ERI1: variants seen among roughly 807,000 people sequenced by gnomAD.
ERI1 encodes exoribonuclease 1, also known as 3'-5' exoribonuclease 1.
In ERI1, 39 loss-of-function variants were observed where a neutral mutation model predicts 39.7. The observed-to-expected ratio is 0.98, with a 90% CI of 0.76 to 1.28. The LOEUF is 1.28. ERI1 is among the 50% of genes most tolerant of loss of function. ERI1 has a pLI of 0.00. For missense variants in ERI1, 581 were observed against 416.9 expected, an observed-to-expected ratio of 1.39 and a Z score of -3.43; for synonymous variants, 204 against 149.6, an observed-to-expected ratio of 1.36 and a Z score of -2.65.
rs544584912 is a variant in ERI1, at chr8:9,018,584, A to C, written c.692+178A>C. ...GAAAGAGAGGAAGAAAACAGTGGTCACAGTCCAATACAGGACTAGAACACT... is the reference window on the plus strand; with the variant it reads ...GAAAGAGAGGAAGAAAACAGTGGTCCCAGTCCAATACAGGACTAGAACACT... On this transcript the variant is annotated intron_variant, in intron 5 of 6. Coordinates refer to ENST00000250263, the MANE Select transcript of ERI1 (RefSeq NM_153332.4). Among the ~76,000 whole-genome samples the C allele has an allele frequency of 6.6e-5, 10 of 152,342 alleles. No homozygotes were observed. The South Asian group carries it at 2.1e-3, about 32-fold the overall frequency.
chr8:9,092,487 T>C (rs1462637660), intron 3 of ERI1, among the ~76,000 whole-genome samples: 2 of 152,216 alleles, frequency 1.3e-5, no homozygotes, highest in Non-Finnish European at 2.9e-5. Context: ...TAGGTGAAGA[T>C]GTCAGGAAAT....
intron 2 of ERI1, chr8:9,009,055 A>T (rs1816382481): frequency 2.2e-6 from 1 of 456,086 alleles, no homozygotes; most frequent in African/African-American, 2.0e-5. Context: ...CCTACAGAAG[A>T]TTTTCCGAGC....
At chr8:9,099,437 A>C (rs1354268801) in intron 3 of ERI1, among the ~76,000 whole-genome samples, 1 of 150,746 alleles carries the variant, frequency 6.6e-6, no homozygotes, top group African/African-American at 2.5e-5. Flanking sequence ...TTCTACAAAA[A>C]ATAAAAAATT....
At chr8:9,007,375 A>G (rs1216929336) in intron 1 of ERI1, among the ~76,000 whole-genome samples, 3 of 152,254 alleles carry the variant, frequency 2.0e-5, no homozygotes, top group Non-Finnish European at 4.4e-5. Flanking sequence ...TTAAAAAATT[A>G]TCAGAAGTTA....
chr8:9,045,009 A>C (rs1418807394), intron 3 of ERI1, among the ~76,000 whole-genome samples: 1 of 152,078 alleles, frequency 6.6e-6, no homozygotes, highest in Non-Finnish European at 1.5e-5. Context: ...AGGCCGAGTC[A>C]GGCGGATCAC....
At chr8:9,089,599 C>T (rs1241385469) in intron 3 of ERI1, among the ~76,000 whole-genome samples, 2 of 152,198 alleles carry the variant, frequency 1.3e-5, no homozygotes, top group African/African-American at 4.8e-5. Flanking sequence ...TGAGTGGAGA[C>T]TCCTGGCTCT....
chr8:9,069,005 A>T (rs62493176), intron 3 of ERI1, among the ~76,000 whole-genome samples: 1 of 152,024 alleles, frequency 6.6e-6, no homozygotes, highest in Non-Finnish European at 1.5e-5. Flanking sequence ...TTTTATAGAG[A>T]TGAGGGCCGC....
intron 3 of ERI1, among the ~76,000 whole-genome samples, chr8:9,013,106 C>T (rs1816844876): frequency 6.6e-6 from 1 of 151,982 alleles, no homozygotes; most frequent in African/African-American, 2.4e-5. Context: ...CCTCCACCTC[C>T]TGGGTTCGAG....
intron 6 of ERI1, among the ~76,000 whole-genome samples, chr8:9,024,451 C>T (rs1447017561): frequency 6.6e-6 from 1 of 151,446 alleles, no homozygotes; most frequent in African/African-American, 2.4e-5. Context: ...GACGGAATCT[C>T]ACTCTGTCAT....
intron 1 of ERI1, 127 bp downstream of exon 1, chr8:9,003,298 C>T (rs965326425): frequency 2.8e-5 from 14 of 500,074 alleles, no homozygotes; most frequent in Non-Finnish European, 4.4e-5. Context: ...CCAGCCTCTT[C>T]CTCGGTGCCC....
At chr8:9,068,260 C>G (rs1021904949) in intron 3 of ERI1, among the ~76,000 whole-genome samples, 6 of 152,180 alleles carry the variant, frequency 3.9e-5, no homozygotes, top group African/African-American at 1.4e-4. Context: ...CACCTTCCCT[C>G]GCACCTCATG....
intron 3 of ERI1, chr8:9,072,407 A>T (rs1409441383): frequency 6.6e-6 from 1 of 152,188 alleles, no homozygotes; most frequent in Non-Finnish European, 1.5e-5. Flanking sequence ...ATGCGCAACC[A>T]TTACCACAGC....
downstream of ERI1, among the ~76,000 whole-genome samples, chr8:9,037,533 A>AAATTG (rs1453460997): frequency 7.9e-5 from 12 of 151,806 alleles, no homozygotes; most frequent in East Asian, 2.3e-3. Context: ...ACAGGAGTGT[A>AAATTG]AATTATTCAG....
chr8:9,050,030 T>G (rs1798306911), intron 3 of ERI1, among the ~76,000 whole-genome samples: 1 of 152,124 alleles, frequency 6.6e-6, no homozygotes, highest in South Asian at 2.1e-4. Flanking sequence ...GTTACCTTGG[T>G]AAATTAACCT....
chr8:9,028,526 A>G lies in ERI1; in HGVS notation c.808-1266A>G, dbSNP rs758743134. Among the ~76,000 whole-genome samples the G allele has an allele frequency of 1.9e-4, 29 of 152,282 alleles. 1 individual carries two copies. Among genetic ancestry groups the G allele is most frequent in the Admixed American group, 2.0e-4 (3 of 15,290 alleles). Reference sequence around the variant, plus strand: ...GCTGTTAGTCCCATTTTACGGATGAAGAAGCTGAGGTCCAAGATGCATAGG... The same window carrying G: ...GCTGTTAGTCCCATTTTACGGATGAGGAAGCTGAGGTCCAAGATGCATAGG... On this transcript the variant is annotated intron_variant, in intron 6 of 6. Coordinates refer to ENST00000250263, the MANE Select transcript of ERI1 (RefSeq NM_153332.4).
At chr8:9,048,925 C>T (rs1301015854) in intron 3 of ERI1, among the ~76,000 whole-genome samples, 9 of 152,086 alleles carry the variant, frequency 5.9e-5, no homozygotes, top group Admixed American at 2.6e-4. Flanking sequence ...GGATTACAGG[C>T]GTGAGCCACC....
chr8:9,098,110 A>C (rs1799935574), intron 3 of ERI1, among the ~76,000 whole-genome samples: 1 of 152,162 alleles, frequency 6.6e-6, no homozygotes, highest in African/African-American at 2.4e-5. Context: ...TGGGCCGGGC[A>C]CAGTGGCTCA....
intron 3 of ERI1, among the ~76,000 whole-genome samples, chr8:9,062,283 G>C (rs768439017): frequency 7.2e-5 from 11 of 151,972 alleles, no homozygotes; most frequent in Non-Finnish European, 1.6e-4. Flanking sequence ...ATACTTGTGG[G>C]TTAAGGTGCG....
chr8:9,075,408 A>G (rs897659929), intron 3 of ERI1, among the ~76,000 whole-genome samples: 3 of 152,144 alleles, frequency 2.0e-5, no homozygotes, highest in African/African-American at 7.2e-5. Flanking sequence ...TTTGTGTACA[A>G]TAATAAGAAC....
Sources: gnomAD v4.1 joint callset for allele counts (sites outside exome capture counted in the v4.1 genomes callset) on GRCh38, gnomAD v4.1.1 for gene constraint, MANE v1.5 for transcripts, NCBI Gene and HGNC (gene_info 2026-07-23, HGNC 2026-07-21) for gene names.